Variants in RELB observed in about 807,000 individuals in gnomAD.
The protein encoded by RELB is RELB proto-oncogene, NF-kB subunit.
RELB carries 14 observed loss-of-function variants against 55.4 expected under a neutral mutation model. The ratio of observed to expected loss-of-function variants is 0.25; its 90% confidence interval spans 0.17 to 0.40. The LOEUF is 0.40. Ranked by LOEUF, RELB falls within the 10% of genes least tolerant of loss-of-function variation. The pLI, the probability that RELB is intolerant of heterozygous loss-of-function variation, is 1.00. For synonymous variants in RELB, 409 were observed against 371.3 expected, an observed-to-expected ratio of 1.10 and a Z score of -1.17; for missense variants, 669 against 830.7, an observed-to-expected ratio of 0.81 and a Z score of 2.39.
rs1224906647 is a variant in RELB at position 45,028,846 on chromosome 19, G to C, written c.887-42G>C. 14 of 1,516,170 alleles carry C rather than the reference G, an allele frequency of 9.2e-6. No homozygotes were observed. The Admixed American group carries it at 2.7e-4, about 30-fold the overall frequency. 93.9% of individuals were successfully genotyped at this position (1,516,170 alleles called of 1,614,324 possible). A position where few individuals can be genotyped will look rare whatever the true frequency, so the allele number is the denominator to read the frequency against. On this transcript the variant is annotated intron_variant, in intron 7 of 11. Coordinates refer to ENST00000221452, the MANE Select transcript of RELB (RefSeq NM_006509.4). The stretch of plus-strand genomic sequence containing the variant: ...GTAAGGCTTTGGTGACTGAATTCTC[G>C]GGATTTTTTTTAATACACTTCTTCC...
chr19:45,019,696 GAGA>G (rs1568400723), intron 4 of RELB, among the ~76,000 whole-genome samples: 2 of 151,794 alleles, frequency 1.3e-5, no homozygotes, highest in Non-Finnish European at 2.9e-5. Flanking sequence ...TTTATTTTTT[GAGA>G]AGGAGTCTTG....
At chr19:45,010,388 C>G (rs1228560210) in intron 3 of RELB, among the ~76,000 whole-genome samples, 3 of 144,866 alleles carry the variant, frequency 2.1e-5, no homozygotes, top group Non-Finnish European at 3.1e-5. Flanking sequence ...GTTTTAGGCC[C>G]TGGGGATTTA....
intron 3 of RELB, among the ~76,000 whole-genome samples, chr19:45,011,577 C>G (rs1310965860): frequency 6.6e-6 from 1 of 152,048 alleles, no homozygotes; most frequent in Non-Finnish European, 1.5e-5. Flanking sequence ...CTGCCTCAGC[C>G]TCCTGAGTAG....
Position 45,002,991 on chromosome 19 carries a change from G to T in RELB, c.149G>T (p.Ser50Ile), listed in dbSNP as rs1388619615. ...LSSLSLAVSRSTDELEIIDEY... is the reference protein window; with the variant it reads ...LSSLSLAVSRITDELEIIDEY... The stretch of plus-strand genomic sequence containing the variant: ...TCACTCTCGCTCGCCGTTTCCAGGA[G>T]CACAGGTGAGCAGCCCTCCACAGTT... Residue 50 changes from serine (S) to isoleucine (I), a missense_variant, in exon 2 of 12, where the codon AGC becomes ATC. By Grantham distance (142) the Ser-to-Ile change is moderately radical. Transcript: ENST00000221452. 1.9e-6 allele frequency: 3 copies of T among 1,612,916 alleles called. No individual in the cohort carries two copies. Among genetic ancestry groups the T allele is most frequent in the Non-Finnish European group, 2.5e-6 (3 of 1,179,560 alleles).
intron 11 of RELB, among the ~76,000 whole-genome samples, chr19:45,036,808 A>G (rs947483440): frequency 6.6e-6 from 1 of 152,188 alleles, no homozygotes; most frequent in Non-Finnish European, 1.5e-5. Flanking sequence ...ACTGCCAGGT[A>G]GCTGGGACTA....
intron 4 of RELB, among the ~76,000 whole-genome samples, chr19:45,014,478 A>G (rs1201690146): frequency 2.7e-5 from 4 of 150,318 alleles, no homozygotes; most frequent in Non-Finnish European, 5.9e-5. Context: ...CCTAATTTCT[A>G]AGTCTTCCCA....
intron 9 of RELB, 63 bp from the exon 10 acceptor site, chr19:45,034,181 A>G: frequency 1.7e-6 from 2 of 1,204,026 alleles, no homozygotes; most frequent in Non-Finnish European, 2.4e-6. Context: ...TAAATAAATA[A>G]ATAAAGGAAT....
In RELB at chr19:45,028,988, G is replaced by A; in HGVS notation, c.987G>A (p.Gln329=). Reference sequence around the variant, plus strand: ...TCTACTTGCTCTGCGACAAGGTGCAGAAAGGTGAGGGGCCTGGGGCAGCAA... The same window carrying A: ...TCTACTTGCTCTGCGACAAGGTGCAAAAAGGTGAGGGGCCTGGGGCAGCAA... ...EELYLLCDKV[Q]KEDISVVFSR... Residue 329 remains glutamine, a synonymous_variant, in exon 8 of 12, where the codon CAG becomes CAA. Transcript: ENST00000221452. 1 of 1,577,014 alleles carries A rather than the reference G, an allele frequency of 6.3e-7. No homozygotes were observed. Among genetic ancestry groups the A allele is most frequent in the Non-Finnish European group, 8.6e-7 (1 of 1,161,846 alleles).
At chr19:45,025,581 A>G (rs1971548808) in intron 6 of RELB, 25 bp from the exon 7 acceptor site, 1 of 1,613,002 alleles carries the variant, frequency 6.2e-7, no homozygotes, top group Non-Finnish European at 8.5e-7. Context: ...TCCCACCCTC[A>G]GCCTCCCCAT....
intron 8 of RELB, among the ~76,000 whole-genome samples, chr19:45,030,028 G>A (rs1971602068): frequency 1.3e-5 from 2 of 151,850 alleles, no homozygotes; most frequent in African/African-American, 2.4e-5. Context: ...TTTAGCAGGT[G>A]TGGTAGTGTG....
chr19:45,006,683 G>C (rs551375795), intron 2 of RELB, among the ~76,000 whole-genome samples: 112 of 152,052 alleles, frequency 7.4e-4, no homozygotes, highest in African/African-American at 2.6e-3. Flanking sequence ...AAAACAGGCT[G>C]GGTGTGGTGG....
chr19:45,037,538 C>T lies in RELB; in HGVS notation c.1488C>T (p.Pro496=). The part of the protein sequence containing the change: ...DDGFAYDPTA[P]TLFTMLDLLP... ...GCTTTGCCTACGACCCTACGGCCCC[C>T]ACACTCTTCACCATGCTGGACCTGC... The change falls in exon 12 of 12, where the codon CCC becomes CCT. Residue 496 remains proline (P), a synonymous_variant. Transcript: ENST00000221452. 1 of 1,613,440 alleles carries T rather than the reference C, an allele frequency of 6.2e-7. No homozygotes were observed. Among genetic ancestry groups the T allele is most frequent in the South Asian group, 1.1e-5 (1 of 91,082 alleles).
At chr19:45,006,996 T>C (rs558517386) in intron 2 of RELB, among the ~76,000 whole-genome samples, 2 of 150,260 alleles carry the variant, frequency 1.3e-5, no homozygotes, top group Admixed American at 6.7e-5. Flanking sequence ...CAAAGGCACC[T>C]GACTTTGAGG....
intron 5 of RELB, among the ~76,000 whole-genome samples, chr19:45,023,663 C>T (rs1250496796): frequency 1.3e-5 from 2 of 149,888 alleles, no homozygotes; most frequent in Non-Finnish European, 3.0e-5. Context: ...TGGTTACCAT[C>T]TCCTGACCTC....
chr19:45,034,555 T>C, intron 11 of RELB, 27 bp downstream of exon 11: 1 of 1,567,748 alleles, frequency 6.4e-7, no homozygotes, highest in Non-Finnish European at 8.7e-7. Context: ...CATAAGCCCC[T>C]GTCCCCTGGG....
Position 45,034,520 on chromosome 19 carries a change from A to G in RELB, c.1346A>G (p.His449Arg). The G allele has an allele frequency of 1.2e-6, 2 of 1,601,620 alleles. No homozygotes were observed. Among genetic ancestry groups the G allele is most frequent in the Non-Finnish European group, 1.7e-6 (2 of 1,174,312 alleles). Residue 449 changes from histidine to arginine, a missense_variant, in exon 11 of 12, where the codon CAC becomes CGC. Physicochemically the swap from His to Arg is conservative, Grantham distance 29. Transcript: ENST00000221452. ...ATCCTGGACCACTTCCTGCCCAACC[A>G]CGGCTCAGGTGGGTCCCAGCTACAC... Reference protein sequence around the residue: ...PAILDHFLPNHGSGPFLPPSA... With the variant: ...PAILDHFLPNRGSGPFLPPSA...
intron 3 of RELB, among the ~76,000 whole-genome samples, chr19:45,011,729 G>C (rs897108285): frequency 6.7e-6 from 1 of 149,538 alleles, no homozygotes; most frequent in African/African-American, 2.5e-5. Flanking sequence ...TTACAGGCGT[G>C]AGCCACCGCA....
intron 8 of RELB, among the ~76,000 whole-genome samples, chr19:45,031,381 T>C (rs1175908130): frequency 6.6e-6 from 1 of 152,096 alleles, no homozygotes; most frequent in Non-Finnish European, 1.5e-5. Flanking sequence ...AGCTTTAGCC[T>C]CCCAAAGGGC....
chr19:45,033,477 G>A (rs541860317), intron 9 of RELB, among the ~76,000 whole-genome samples: 80 of 151,966 alleles, frequency 5.3e-4, no homozygotes, highest in African/African-American at 1.6e-3. Context: ...CTGAGGTTAG[G>A]AGTTCGAGAC....
Sources: gnomAD v4.1 joint callset for allele counts (sites outside exome capture counted in the v4.1 genomes callset) on GRCh38, gnomAD v4.1.1 for gene constraint, MANE v1.5 for transcripts, NCBI Gene and HGNC (gene_info 2026-07-23, HGNC 2026-07-21) for gene names.